KALRN: variants seen among roughly 807,000 people sequenced by gnomAD.
KALRN encodes kalirin RhoGEF kinase.
Under a neutral mutation model 353.7 loss-of-function variants are expected in KALRN, and 70 were observed. The ratio of observed to expected loss-of-function variants is 0.20; its 90% confidence interval spans 0.16 to 0.24. The LOEUF (loss-of-function observed/expected upper bound fraction) is 0.24. KALRN is among the 10% of genes least tolerant of loss of function. The probability of loss-of-function intolerance (pLI) is 1.00; values close to 1 mark genes in which losing one functional copy is unlikely to be tolerated. For missense variants in KALRN, 2,791 were observed against 3,756.7 expected, an observed-to-expected ratio of 0.74 and a Z score of 6.72; for synonymous variants, 1,391 against 1,434.8, an observed-to-expected ratio of 0.97 and a Z score of 0.69.
At chr3:124,409,934 G>T (rs199780395) in intron 13 of KALRN, among the ~76,000 whole-genome samples, 1 of 152,044 alleles carries the variant, frequency 6.6e-6, no homozygotes, top group East Asian at 1.9e-4. Context: ...AAAGAGGAGA[G>T]AGCCTGCGGA....
chr3:124,712,978 C>T lies in KALRN; in HGVS notation c.8119C>T (p.Arg2707Cys), dbSNP rs371482945. ...AAAGAAATGCATTCACAAAGCTACCCGCAAAGATGTGGCTGTGAAATTTGT... is the reference window on the plus strand; with the variant it reads ...AAAGAAATGCATTCACAAAGCTACCTGCAAAGATGTGGCTGTGAAATTTGT... ...IVKKCIHKAT[R>C]KDVAVKFVSK... Residue 2707 changes from arginine (R) to cysteine (C), a missense_variant, in exon 58 of 60, where the codon CGC (arginine) becomes TGC (cysteine). By Grantham distance (180) the Arg-to-Cys change is radical (BLOSUM62 -3). Transcript: ENST00000682506. The T allele has an allele frequency of 4.2e-5, 67 of 1,613,994 alleles. 1 individual carries two copies. The Middle Eastern group carries it at 6.6e-4, about 16-fold the overall frequency.
chr3:124,270,668 T>C (rs2148937529), intron 5 of KALRN, among the ~76,000 whole-genome samples: 1 of 152,276 alleles, frequency 6.6e-6, no homozygotes, highest in South Asian at 2.1e-4. Context: ...GACCCTGGCC[T>C]GACCTGCCCT....
chr3:124,477,055 A>G lies in KALRN; in HGVS notation c.4102-190A>G, dbSNP rs563600988. Among the ~76,000 whole-genome samples, 6 of 152,338 alleles carry G rather than the reference A, an allele frequency of 3.9e-5. No homozygotes were observed. The East Asian group carries it at 1.2e-3, about 29-fold the overall frequency. ...TCAGAAGCTTTCTCCACGTGCTGAC[A>G]GGAGAAAGACATCCCAATGTCCGTT... is the stretch of plus-strand genomic sequence containing the variant. On this transcript the variant is annotated intron_variant, in intron 26 of 59. Coordinates refer to ENST00000682506, the MANE Select transcript of KALRN (RefSeq NM_001388419.1).
At chr3:124,446,626 G>C in intron 20 of KALRN, 137 bp from the exon 21 acceptor site, 1 of 1,089,534 alleles carries the variant, frequency 9.2e-7, no homozygotes, top group East Asian at 2.4e-5. Context: ...AAAAACTCCA[G>C]AGCTACATAC....
chr3:124,385,528 A>G (rs948648725), intron 11 of KALRN, among the ~76,000 whole-genome samples: 4 of 152,108 alleles, frequency 2.6e-5, no homozygotes, highest in Admixed American at 6.6e-5. Flanking sequence ...AGGGGATTTA[A>G]TCTTCTTAAT....
At chr3:124,194,800 C>T (rs994415904) in intron 1 of KALRN, among the ~76,000 whole-genome samples, 17 of 152,042 alleles carry the variant, frequency 1.1e-4, no homozygotes, top group African/African-American at 3.9e-4. Flanking sequence ...TGTGGTTTCT[C>T]AGATTTCAGC....
In KALRN at chr3:124,334,117, C is replaced by T; in HGVS notation, c.1417-148C>T. On this transcript the variant is annotated intron_variant, in intron 8 of 59. Transcript: ENST00000682506. The surrounding 1 kb of genome is among the most constrained non-coding windows in gnomAD (Gnocchi z 4.2). ...CCAGGCCGGAGGATGGGCCCCATGG[C>T]AGCTCTGGCTGGCTAGGTGTCTGGG... 1.5e-6 allele frequency: 1 copy of T among 679,036 alleles called. No homozygotes were observed. Among genetic ancestry groups the T allele is most frequent in the Non-Finnish European group, 2.6e-6 (1 of 390,890 alleles). 42.1% of individuals were successfully genotyped at this position (679,036 alleles called of 1,614,324 possible). A position where few individuals can be genotyped will look rare whatever the true frequency, so the allele number is the denominator to read the frequency against.
At chr3:124,108,215 A>G (rs1484233493) in intron 1 of KALRN, among the ~76,000 whole-genome samples, 1 of 152,152 alleles carries the variant, frequency 6.6e-6, no homozygotes, top group African/African-American at 2.4e-5. Flanking sequence ...TGATTCTGGG[A>G]TAGCCAAGGA....
At chr3:124,255,720 T>C (rs1436197378) in intron 3 of KALRN, among the ~76,000 whole-genome samples, 1 of 152,048 alleles carries the variant, frequency 6.6e-6, no homozygotes, top group Non-Finnish European at 1.5e-5. Context: ...GAGCCCCTTA[T>C]CCCAGTGCAG....
intron 34 of KALRN, among the ~76,000 whole-genome samples, chr3:124,563,681 A>G (rs2072349217): frequency 6.6e-6 from 1 of 152,160 alleles, no homozygotes; most frequent in Admixed American, 6.5e-5. Context: ...TTCCCTTCAC[A>G]TGCCTGTTTA....
chr3:124,365,462 G>A (rs927712528), intron 10 of KALRN, among the ~76,000 whole-genome samples: 1 of 152,160 alleles, frequency 6.6e-6, no homozygotes, highest in Admixed American at 6.5e-5. Flanking sequence ...GAGCAGCCGT[G>A]TGCCTGACAC....
chr3:124,230,047 G>T (rs1324364173), intron 2 of KALRN, among the ~76,000 whole-genome samples: 2 of 152,198 alleles, frequency 1.3e-5, no homozygotes, highest in Non-Finnish European at 2.9e-5. Context: ...CTAAGCATAT[G>T]GGAAGACCTT....
At chr3:124,384,707 G>A (rs2087933430) in intron 10 of KALRN, 138 bp from the exon 11 acceptor site, 2 of 777,962 alleles carry the variant, frequency 2.6e-6, no homozygotes, top group South Asian at 2.3e-5. Flanking sequence ...CCAGCTCCGC[G>A]CACCGCGCCT....
chr3:124,459,803 A>C (rs1260214346), intron 23 of KALRN, among the ~76,000 whole-genome samples: 4 of 152,190 alleles, frequency 2.6e-5, no homozygotes, highest in Non-Finnish European at 5.9e-5. Flanking sequence ...TATCAAGATG[A>C]AGTAGGACCA....
intron 33 of KALRN, among the ~76,000 whole-genome samples, chr3:124,525,841 C>G (rs2067543998): frequency 1.3e-5 from 2 of 152,208 alleles, no homozygotes; most frequent in Admixed American, 6.5e-5. Flanking sequence ...ACCCTCAAAG[C>G]CAGGCCAACA....
intron 1 of KALRN, among the ~76,000 whole-genome samples, chr3:124,103,252 G>A (rs1327898219): frequency 6.6e-6 from 1 of 152,220 alleles, no homozygotes. Flanking sequence ...GACACTGATA[G>A]CTGCTTTGTG....
chr3:124,258,467 C>G (rs1456237787), intron 3 of KALRN, among the ~76,000 whole-genome samples: 1 of 152,130 alleles, frequency 6.6e-6, no homozygotes, highest in Non-Finnish European at 1.5e-5. Flanking sequence ...TCTCTCTAAC[C>G]TCTTCATTTT....
Position 124,520,142 on chromosome 3 carries a change from G to A in KALRN, c.4935+23729G>A, listed in dbSNP as rs147998126. 4.2e-4 allele frequency among the ~76,000 whole-genome samples: 64 copies of A among 152,102 alleles called. 1 individual carries two copies. The East Asian group carries it at 0.012, about 29-fold the overall frequency. On this transcript the variant is annotated intron_variant, in intron 33 of 59. Coordinates refer to ENST00000682506, the MANE Select transcript of KALRN (RefSeq NM_001388419.1). ...GTGGTGGGGGGAAGGCAGAGGAGGG[G>A]GCAGGGCAGGAACAGGAGTATAATT... is the stretch of plus-strand genomic sequence containing the variant.
At chr3:124,222,599 G>T (rs375215190) in intron 1 of KALRN, among the ~76,000 whole-genome samples, 13 of 152,140 alleles carry the variant, frequency 8.5e-5, no homozygotes, top group East Asian at 3.9e-4. Context: ...GGGTTTTTTT[G>T]TGTGTGTGGT....
Sources: gnomAD v4.1 joint callset for allele counts (sites outside exome capture counted in the v4.1 genomes callset) on GRCh38, gnomAD v4.1.1 for gene constraint, Gnocchi (gnomAD v3.1) non-coding constraint, MANE v1.5 for transcripts, NCBI Gene and HGNC (gene_info 2026-07-23, HGNC 2026-07-21) for gene names.